DPP10: variants seen among roughly 807,000 people sequenced by gnomAD.
DPP10 encodes the protein inactive dipeptidyl peptidase 10.
A neutral mutation model predicts 120.9 loss-of-function variants in DPP10; 33 were observed. The observed-to-expected ratio is 0.27, with a 90% CI of 0.21 to 0.37. The LOEUF is 0.37. Ranked by LOEUF, DPP10 falls within the 10% of genes least tolerant of loss-of-function variation. The pLI, the probability that DPP10 is intolerant of heterozygous loss-of-function variation, is 1.00. For missense variants in DPP10, 816 were observed against 942.8 expected (o/e 0.87, Z 1.76); for synonymous variants, 337 against 326.1 (o/e 1.03, Z -0.36).
chr2:115,428,700 G>A (rs1214230853), intron 3 of DPP10, among the ~76,000 whole-genome samples: 1 of 152,164 alleles, frequency 6.6e-6, no homozygotes, highest in African/African-American at 2.4e-5. Context: ...GTTTCCCAGT[G>A]CCGTAAAGAA....
At chr2:115,434,755 A>G (rs1331476710) in intron 3 of DPP10, among the ~76,000 whole-genome samples, 1 of 151,602 alleles carries the variant, frequency 6.6e-6, no homozygotes, top group African/African-American at 2.4e-5. Context: ...TCCACCTACT[A>G]TACTGTCAAT....
Position 115,093,104 on chromosome 2 carries a change from C to A in DPP10, c.61-216135C>A, listed in dbSNP as rs573748738. On this transcript the variant is annotated intron_variant, in intron 1 of 25. Coordinates refer to ENST00000410059, the MANE Select transcript of DPP10 (RefSeq NM_020868.6). ...AGATAAGGTGAAAGTCTAGCTTGAA[C>A]TCAGTGAAGCAAACCAAAATAAGCA... 4.6e-5 allele frequency among the ~76,000 whole-genome samples: 7 copies of A among 152,270 alleles called. No homozygotes were observed. The East Asian group carries it at 1.3e-3, about 29-fold the overall frequency.
intron 3 of DPP10, among the ~76,000 whole-genome samples, chr2:115,427,743 C>T (rs555044487): frequency 7.9e-5 from 12 of 152,298 alleles, no homozygotes; most frequent in Non-Finnish European, 1.5e-4. Flanking sequence ...TTTAGTTATG[C>T]AAATTTCTTT....
At chr2:114,949,456 T>C (rs1697614246) in intron 1 of DPP10, among the ~76,000 whole-genome samples, 2 of 152,176 alleles carry the variant, frequency 1.3e-5, no homozygotes, top group Non-Finnish European at 2.9e-5. Flanking sequence ...CCAGCTATTA[T>C]TAGCTAGGCT....
intron 1 of DPP10, among the ~76,000 whole-genome samples, chr2:114,914,506 G>A (rs1423418242): frequency 1.3e-5 from 2 of 152,096 alleles, no homozygotes; most frequent in African/African-American, 4.8e-5. Flanking sequence ...ATAAGCACAT[G>A]CTTACGGAAT....
chr2:115,705,830 C>T (rs988262790), intron 7 of DPP10, among the ~76,000 whole-genome samples: 2 of 151,738 alleles, frequency 1.3e-5, no homozygotes, highest in Non-Finnish European at 2.9e-5. Context: ...TCTCCCTTAC[C>T]ACATTGTAGT....
intron 1 of DPP10, among the ~76,000 whole-genome samples, chr2:115,033,439 T>C (rs1272193987): frequency 2.0e-5 from 3 of 152,174 alleles, no homozygotes; most frequent in Admixed American, 6.5e-5. Context: ...TTAAAGCTTT[T>C]ATGTTTTTCA....
intron 1 of DPP10, among the ~76,000 whole-genome samples, chr2:114,784,813 T>G (rs1015762935): frequency 6.6e-6 from 1 of 152,192 alleles, no homozygotes; most frequent in Non-Finnish European, 1.5e-5. Flanking sequence ...AAGCAGTGTT[T>G]CCAGTCATTT....
Position 115,791,144 on chromosome 2 carries a change from A to G in DPP10, c.1595A>G (p.Lys532Arg). 6.2e-7 allele frequency: 1 copy of G among 1,613,680 alleles called. No homozygotes were observed. Residue 532 changes from lysine to arginine, a missense_variant, in exon 18 of 26, where the codon AAG becomes AGG. Around this residue, in one of 3 missense-constraint regions of DPP10, gnomAD observed 592 missense variants for 649.0 expected, o/e 0.91. Transcript: ENST00000410059. ...GCTATCCTGAAGAAGAAGATAGGAA[A>G]GCCAGAAATTAAAATCCTTCATATT... ...KEAILKKKIG[K>R]PEIKILHIDD...
At chr2:114,942,284 T>A (rs11898617) in intron 1 of DPP10, among the ~76,000 whole-genome samples, 1,821 of 132,564 alleles carry the variant, frequency 0.014, 44 homozygotes, top group African/African-American at 0.054. Flanking sequence ...AAAAAAAAAA[T>A]GTGTATATAT....
intron 1 of DPP10, among the ~76,000 whole-genome samples, chr2:115,083,975 C>A (rs527592478): frequency 6.6e-6 from 1 of 152,170 alleles, no homozygotes; most frequent in East Asian, 1.9e-4. Context: ...ATCACAAACA[C>A]CTCTTCTAAC....
intron 1 of DPP10, among the ~76,000 whole-genome samples, chr2:115,112,645 G>A (rs1482199484): frequency 6.6e-6 from 1 of 152,112 alleles, no homozygotes; most frequent in Admixed American, 6.5e-5. Flanking sequence ...TCACTTATAT[G>A]TGAAATCAAG....
At chr2:115,034,834 G>A (rs557225302) in intron 1 of DPP10, among the ~76,000 whole-genome samples, 7 of 152,114 alleles carry the variant, frequency 4.6e-5, no homozygotes, top group Non-Finnish European at 8.8e-5. Flanking sequence ...CACTGCCACT[G>A]CTTTAGTTCT....
chr2:115,128,979 G>A (rs1226028636), intron 1 of DPP10, among the ~76,000 whole-genome samples: 1 of 152,158 alleles, frequency 6.6e-6, no homozygotes, highest in Non-Finnish European at 1.5e-5. Flanking sequence ...AGCAGTTCAA[G>A]GGGACAGTCA....
intron 1 of DPP10, among the ~76,000 whole-genome samples, chr2:114,524,474 T>C (rs951780799): frequency 6.6e-6 from 1 of 152,188 alleles, no homozygotes. Context: ...AAAATAATCT[T>C]TGAAAATCAC....
chr2:115,502,158 C>T (rs1393396786), intron 4 of DPP10, among the ~76,000 whole-genome samples: 7 of 152,012 alleles, frequency 4.6e-5, no homozygotes, highest in South Asian at 2.1e-4. Flanking sequence ...GACATCTTAT[C>T]ACTTTTCAGC....
rs528695472 is a variant in DPP10, at chr2:115,023,963, C to T, written c.61-285276C>T. Among the ~76,000 whole-genome samples the T allele has an allele frequency of 3.9e-5, 6 of 152,110 alleles. No individual in the cohort carries two copies. In the South Asian group the frequency reaches 1.0e-3, roughly 26 times the overall value. On this transcript the variant is annotated intron_variant, in intron 1 of 25. Coordinates refer to ENST00000410059, the MANE Select transcript of DPP10 (RefSeq NM_020868.6). ...CATATGTGGGAGCTAAGCTATGAGG[C>T]TGCAAAGGGATAAGACTAATACATC...
intron 3 of DPP10, among the ~76,000 whole-genome samples, chr2:115,463,600 T>A (rs2074122445): frequency 6.6e-6 from 1 of 152,172 alleles, no homozygotes; most frequent in Non-Finnish European, 1.5e-5. Context: ...TGTAATTTAT[T>A]TTTTCTTTAA....
intron 1 of DPP10, among the ~76,000 whole-genome samples, chr2:115,304,746 G>T (rs573653775): frequency 6.6e-6 from 1 of 151,894 alleles, no homozygotes; most frequent in Non-Finnish European, 1.5e-5. Context: ...AAATCCGCTG[G>T]TTAAGATTTT....
Sources: allele counts gnomAD v4.1 joint callset (sites outside exome capture counted in the v4.1 genomes callset), GRCh38; gene constraint gnomAD v4.1.1; regional missense constraint gnomAD v4.1.1; transcripts MANE v1.5; gene names NCBI Gene and HGNC (gene_info 2026-07-23, HGNC 2026-07-21).